Variants in GABRG3 observed in about 807,000 individuals in gnomAD.
GABRG3 encodes the protein gamma-aminobutyric acid type A receptor subunit gamma3.
In GABRG3, 25 loss-of-function variants were observed where a neutral mutation model predicts 48.8. That is an observed-to-expected ratio of 0.51 (90% CI 0.37 to 0.72). GABRG3 has a LOEUF of 0.72. Among genes scored for constraint, GABRG3 ranks in the 30% least tolerant of loss-of-function variants. GABRG3 has a pLI of 0.00. For missense variants in GABRG3, 394 were observed against 577.9 expected (o/e 0.68, Z 3.26); for synonymous variants, 227 against 217.6 (o/e 1.04, Z -0.38).
chr15:27,273,104 T>TTA (rs1555414254), intron 3 of GABRG3, among the ~76,000 whole-genome samples: 18 of 151,340 alleles, frequency 1.2e-4, no homozygotes, highest in African/African-American at 4.4e-4. Flanking sequence ...TCTACAATGA[T>TTA]AAAAAAAAAT....
intron 3 of GABRG3, among the ~76,000 whole-genome samples, chr15:27,273,814 A>G (rs566639247): frequency 2.0e-5 from 3 of 152,090 alleles, no homozygotes; most frequent in South Asian, 2.1e-4. Flanking sequence ...TGGTATATCT[A>G]TTATCTATTG....
chr15:27,036,630 C>T (rs964874937), intron 3 of GABRG3, among the ~76,000 whole-genome samples: 2 of 152,100 alleles, frequency 1.3e-5, no homozygotes, highest in African/African-American at 4.8e-5. Context: ...GCAGAGGTTG[C>T]AGTGAGCTGA....
At chr15:27,451,455 A>C (rs536394374) in intron 5 of GABRG3, among the ~76,000 whole-genome samples, 10 of 152,222 alleles carry the variant, frequency 6.6e-5, no homozygotes, top group African/African-American at 2.4e-4. Context: ...AGTCTCTTCA[A>C]TAAACGATGT....
In GABRG3 at chr15:27,434,038, G is replaced by A. The variant is rs141844832; in HGVS notation, c.575-46612G>A. ...TTCCTCATTAGTTATCCATGTCAGC[G>A]CTGCTATGGAAAGGCCGTGATCTGA... On this transcript the variant is annotated intron_variant, in intron 5 of 9. Coordinates refer to ENST00000615808, the MANE Select transcript of GABRG3 (RefSeq NM_033223.5). Among the ~76,000 whole-genome samples the A allele has an allele frequency of 6.6e-5, 10 of 152,126 alleles. No individual in the cohort carries two copies. In the South Asian group the frequency reaches 8.3e-4, roughly 13 times the overall value.
intron 3 of GABRG3, among the ~76,000 whole-genome samples, chr15:27,171,112 G>A (rs1252558998): frequency 6.6e-6 from 1 of 152,162 alleles, no homozygotes; most frequent in Non-Finnish European, 1.5e-5. Context: ...CAGCCATGAT[G>A]CTCAGGTTCA....
intron 5 of GABRG3, among the ~76,000 whole-genome samples, chr15:27,388,744 A>G (rs1896127981): frequency 2.0e-5 from 3 of 152,136 alleles, no homozygotes; most frequent in African/African-American, 7.2e-5. Context: ...AGAGTGCACC[A>G]ACTAAATACC....
At chr15:27,052,663 T>G (rs1488105927) in intron 3 of GABRG3, among the ~76,000 whole-genome samples, 1 of 152,128 alleles carries the variant, frequency 6.6e-6, no homozygotes, top group Non-Finnish European at 1.5e-5. Flanking sequence ...AAATACCTAA[T>G]GTAGAGCTAT....
chr15:27,260,740 T>C (rs1890744427), intron 3 of GABRG3, among the ~76,000 whole-genome samples: 1 of 152,050 alleles, frequency 6.6e-6, no homozygotes, highest in African/African-American at 2.4e-5. Flanking sequence ...ATAAATCAAA[T>C]GTCAAGAAAG....
chr15:27,004,230 A>G (rs1257676011), intron 2 of GABRG3, among the ~76,000 whole-genome samples: 3 of 148,218 alleles, frequency 2.0e-5, no homozygotes, highest in African/African-American at 5.0e-5. Flanking sequence ...CACTTCTCAG[A>G]TGGGGCAGTT....
chr15:27,407,277 T>G (rs906860690), intron 5 of GABRG3, among the ~76,000 whole-genome samples: 3 of 152,120 alleles, frequency 2.0e-5, no homozygotes, highest in African/African-American at 7.2e-5. Context: ...ACTACACACC[T>G]ACTGGAATGG....
At chr15:27,493,682 T>C (rs1705612371) in intron 6 of GABRG3, among the ~76,000 whole-genome samples, 1 of 152,194 alleles carries the variant, frequency 6.6e-6, no homozygotes, top group Admixed American at 6.5e-5. Flanking sequence ...GTTAAAAACA[T>C]TTTTAAAAGA....
chr15:27,416,133 A>C (rs556929320), intron 5 of GABRG3, among the ~76,000 whole-genome samples: 23 of 152,352 alleles, frequency 1.5e-4, no homozygotes, highest in African/African-American at 5.3e-4. Flanking sequence ...TTTTTGGCTT[A>C]CATGTCAAAC....
chr15:27,431,509 C>T (rs1056192958), intron 5 of GABRG3, among the ~76,000 whole-genome samples: 1 of 152,052 alleles, frequency 6.6e-6, no homozygotes, highest in African/African-American at 2.4e-5. Context: ...ATGCATGTCT[C>T]TTATTTCATT....
At chr15:27,264,260 T>G (rs1347528651) in intron 3 of GABRG3, among the ~76,000 whole-genome samples, 1 of 151,496 alleles carries the variant, frequency 6.6e-6, no homozygotes. Flanking sequence ...TTTCAAAAAA[T>G]AAAAATAAAA....
In GABRG3 at chr15:27,131,047, A is replaced by C. The variant is rs769583029; in HGVS notation, c.270+104226A>C. Among the ~76,000 whole-genome samples, 14 of 151,908 alleles carry C rather than the reference A, an allele frequency of 9.2e-5. No individual in the cohort carries two copies. In the South Asian group the frequency reaches 1.7e-3, roughly 18 times the overall value. On this transcript the variant is annotated intron_variant, in intron 3 of 9. Coordinates refer to ENST00000615808, the MANE Select transcript of GABRG3 (RefSeq NM_033223.5). ...TTTAATTTTCTTTTCTTTCCTAATT[A>C]CTCTGGCTAGAAATTCCAATACTAC... is the stretch of plus-strand genomic sequence containing the variant.
chr15:27,526,898 G>C (rs931127636), intron 7 of GABRG3, among the ~76,000 whole-genome samples: 31 of 152,262 alleles, frequency 2.0e-4, no homozygotes, highest in Non-Finnish European at 4.4e-4. Flanking sequence ...GGTATGTAAA[G>C]ACATATGCGA....
At chr15:27,381,596 C>T (rs1038910130) in intron 5 of GABRG3, among the ~76,000 whole-genome samples, 1 of 152,216 alleles carries the variant, frequency 6.6e-6, no homozygotes, top group Non-Finnish European at 1.5e-5. Flanking sequence ...TCCGTATCCA[C>T]CTATCTGTCT....
chr15:27,351,554 T>G (rs1425386355), intron 5 of GABRG3, among the ~76,000 whole-genome samples: 1 of 146,572 alleles, frequency 6.8e-6, no homozygotes, highest in Non-Finnish European at 1.5e-5. Flanking sequence ...GTATGGTGTT[T>G]GTGTGTGTAT....
At chr15:26,989,955 T>A (rs1895217974) in intron 2 of GABRG3, among the ~76,000 whole-genome samples, 1 of 152,238 alleles carries the variant, frequency 6.6e-6, no homozygotes, top group Non-Finnish European at 1.5e-5. Flanking sequence ...AATGACAGGA[T>A]CTCATTTTTT....
Sources: allele counts gnomAD v4.1 joint callset (sites outside exome capture counted in the v4.1 genomes callset), GRCh38; gene constraint gnomAD v4.1.1; transcripts MANE v1.5; gene names NCBI Gene and HGNC (gene_info 2026-07-23, HGNC 2026-07-21).